VPS50: variants seen among roughly 807,000 people sequenced by gnomAD.
VPS50 encodes the protein syndetin.
VPS50 carries 70 observed loss-of-function variants against 139.7 expected under a neutral mutation model. That is an observed-to-expected ratio of 0.50 (90% CI 0.41 to 0.61). The LOEUF (loss-of-function observed/expected upper bound fraction) is 0.61. Ranked by LOEUF, VPS50 falls within the 20% of genes least tolerant of loss-of-function variation. The pLI is 0.00. For missense variants in VPS50, 921 were observed against 1,133.7 expected (o/e 0.81, Z 2.69); for synonymous variants, 365 against 376.7 (o/e 0.97, Z 0.36).
Position 93,276,471 on chromosome 7 carries a change from G to A in VPS50, c.942+166G>A, listed in dbSNP as rs1796157715. ...TGTTCTTTTCCTTATAGAGAAGTTG[G>A]AGGACTCAGTCACACAAATGGTAAA... On this transcript the variant is annotated intron_variant, in intron 12 of 27. Transcript: ENST00000305866. The A allele has an allele frequency of 2.6e-6, 3 of 1,174,218 alleles. No individual in the cohort carries two copies. The South Asian group carries it at 7.0e-5, about 27-fold the overall frequency. 72.7% of individuals were successfully genotyped at this position (1,174,218 alleles called of 1,614,324 possible). A position where few individuals can be genotyped will look rare whatever the true frequency, so the allele number is the denominator to read the frequency against.
chr7:93,243,912 G>T (rs1795070881), intron 2 of VPS50, among the ~76,000 whole-genome samples: 1 of 151,814 alleles, frequency 6.6e-6, no homozygotes, highest in Admixed American at 6.6e-5. Context: ...ACCTGAAAAA[G>T]AGTATTGATA....
At chr7:93,294,502 A>G in intron 13 of VPS50, 43 bp from the exon 14 acceptor site, 1 of 1,456,854 alleles carries the variant, frequency 6.9e-7, no homozygotes, top group South Asian at 1.4e-5. Context: ...AACAAACACA[A>G]ATTGGATTAA....
At chr7:93,252,520 T>G in intron 2 of VPS50, 133 bp from the exon 3 acceptor site, 1 of 621,520 alleles carries the variant, frequency 1.6e-6, no homozygotes, top group South Asian at 2.1e-5. Flanking sequence ...CTTTTCTGAT[T>G]TCTGTTGGTT....
chr7:93,236,781 T>C (rs1562842919), intron 1 of VPS50, among the ~76,000 whole-genome samples: 1 of 152,142 alleles, frequency 6.6e-6, no homozygotes, highest in African/African-American at 2.4e-5. Context: ...TCAGATGTGC[T>C]TTGAGACATT....
intron 9 of VPS50, among the ~76,000 whole-genome samples, chr7:93,270,422 G>A (rs915984377): frequency 3.3e-5 from 5 of 151,914 alleles, no homozygotes; most frequent in African/African-American, 1.2e-4. Flanking sequence ...GACTTCTTTT[G>A]CCAAACATAT....
rs748210910 is a variant in VPS50 at position 93,253,898 on chromosome 7, G to A, written c.264G>A (p.Ala88=). ...TTCTCAATTTGCAAGAATTAGAGGC[G>A]TATAGAGACAAATTGAAACAACAGC... ...PPVLNLQELE[A]YRDKLKQQQA... The change falls in exon 4 of 28, where the codon GCG becomes GCA. Residue 88 remains alanine (A), a synonymous_variant. Coordinates refer to ENST00000305866, the MANE Select transcript of VPS50 (RefSeq NM_017667.4). 4.1e-5 allele frequency: 66 copies of A among 1,599,388 alleles called. No homozygotes were observed. The East Asian group carries it at 4.7e-4, about 11-fold the overall frequency.
chr7:93,265,938 T>C (rs1046263961), intron 9 of VPS50, among the ~76,000 whole-genome samples: 10 of 152,176 alleles, frequency 6.6e-5, no homozygotes, highest in Admixed American at 4.6e-4. Flanking sequence ...TCCAAAGTGA[T>C]CTTAGGAATT....
intron 22 of VPS50, among the ~76,000 whole-genome samples, chr7:93,337,526 G>A (rs1034087450): frequency 1.3e-5 from 2 of 152,054 alleles, no homozygotes; most frequent in East Asian, 1.9e-4. Context: ...AATATATTGT[G>A]TATATGATAT....
At chr7:93,255,072 A>G (rs748605033) in intron 4 of VPS50, among the ~76,000 whole-genome samples, 3 of 151,802 alleles carry the variant, frequency 2.0e-5, no homozygotes, top group Non-Finnish European at 2.9e-5. Flanking sequence ...GTGGAAGACA[A>G]TTTTTCTATG....
In VPS50 at chr7:93,291,774, C is replaced by G. The variant is rs1472226700; in HGVS notation, c.1014C>G (p.Ser338Arg). 6.2e-7 allele frequency: 1 copy of G among 1,601,972 alleles called. No individual in the cohort carries two copies. ...LCKALWEVML[S>R]YYRTMEWHEK... ...AAGCACTATGGGAAGTTATGCTCAG[C>G]TATTATAGGACTATGGAATGGCATG... The change falls in exon 13 of 28, where the codon AGC becomes AGG. Residue 338 changes from serine to arginine, a missense_variant. Transcript: ENST00000305866.
At chr7:93,268,140 CTG>C in intron 9 of VPS50, among the ~76,000 whole-genome samples, 1 of 152,290 alleles carries the variant, frequency 6.6e-6, no homozygotes. Context: ...TTTGACAACA[CTG>C]TGTCTGCCAA....
intron 26 of VPS50, among the ~76,000 whole-genome samples, chr7:93,354,631 A>G (rs1212932140): frequency 6.6e-6 from 1 of 152,078 alleles, no homozygotes; most frequent in Non-Finnish European, 1.5e-5. Flanking sequence ...CAGCCCTCGT[A>G]ACCCTTATAT....
chr7:93,248,875 A>T lies in VPS50; in HGVS notation c.103-3778A>T, dbSNP rs547260224. 4.6e-5 allele frequency among the ~76,000 whole-genome samples: 7 copies of T among 152,284 alleles called. No homozygotes were observed. The East Asian group carries it at 1.3e-3, about 29-fold the overall frequency. ...TTCTAATCAGAAGGGGGTTTGAATA[A>T]GTTCCAGTTCAGATGTATATTTTCA... is the stretch of plus-strand genomic sequence containing the variant. On this transcript the variant is annotated intron_variant, in intron 2 of 27. Transcript: ENST00000305866.
At chr7:93,285,803 G>A (rs888552012) in intron 12 of VPS50, among the ~76,000 whole-genome samples, 2 of 152,126 alleles carry the variant, frequency 1.3e-5, no homozygotes, top group African/African-American at 4.8e-5. Context: ...ATTGGATTAA[G>A]GAATGAATTG....
intron 9 of VPS50, among the ~76,000 whole-genome samples, chr7:93,265,260 G>C (rs1795806419): frequency 6.6e-6 from 1 of 151,964 alleles, no homozygotes; most frequent in Non-Finnish European, 1.5e-5. Context: ...CTGAACTCTA[G>C]CATGGGCTTG....
At chr7:93,256,477 T>G in intron 4 of VPS50, 32 bp from the exon 5 acceptor site, 1 of 1,079,894 alleles carries the variant, frequency 9.3e-7, no homozygotes, top group East Asian at 2.8e-5. Flanking sequence ...TTTGTTCTTT[T>G]ATTTCCTTTG....
At chr7:93,320,996 T>A (rs1797598892) in intron 20 of VPS50, 1 of 152,258 alleles carries the variant, frequency 6.6e-6, no homozygotes. Flanking sequence ...CGTTTTGAGA[T>A]GTCAAATGTT....
chr7:93,247,259 T>C (rs935037717), intron 2 of VPS50, among the ~76,000 whole-genome samples: 16 of 151,918 alleles, frequency 1.1e-4, no homozygotes, highest in African/African-American at 3.6e-4. Context: ...GGCAGTGATA[T>C]GTGTTAAGAT....
chr7:93,288,704 T>C (rs539060519), intron 12 of VPS50, among the ~76,000 whole-genome samples: 1 of 152,120 alleles, frequency 6.6e-6, no homozygotes, highest in African/African-American at 2.4e-5. Flanking sequence ...GAAGATATTA[T>C]TGTAATAGGG....
Sources: gnomAD v4.1 joint callset for allele counts (sites outside exome capture counted in the v4.1 genomes callset) on GRCh38, gnomAD v4.1.1 for gene constraint, MANE v1.5 for transcripts, NCBI Gene and HGNC (gene_info 2026-07-23, HGNC 2026-07-21) for gene names.